Variants in TMC2 observed in about 807,000 individuals in gnomAD.
TMC2 encodes the protein transmembrane channel like 2.
In TMC2, 102 loss-of-function variants were observed where a neutral mutation model predicts 105.9. The ratio of observed to expected loss-of-function variants is 0.96; its 90% CI spans 0.82 to 1.14. TMC2 has a LOEUF of 1.14. TMC2 is among the 50% of genes most tolerant of loss of function. The probability of loss-of-function intolerance (pLI) is 0.00; values close to 1 mark genes in which losing one functional copy is unlikely to be tolerated. For missense variants in TMC2, 1,093 were observed against 1,134.3 expected (o/e 0.96, Z 0.52); for synonymous variants, 402 against 422.8 (o/e 0.95, Z 0.60).
At chr20:2,579,511 T>C (rs1239180699) in intron 6 of TMC2, among the ~76,000 whole-genome samples, 1 of 151,896 alleles carries the variant, frequency 6.6e-6, no homozygotes, top group African/African-American at 2.4e-5. Flanking sequence ...AACCTTCACC[T>C]CCTAGGTTCA....
chr20:2,582,322 A>C (rs2086197811), intron 7 of TMC2, among the ~76,000 whole-genome samples: 4 of 152,208 alleles, frequency 2.6e-5, no homozygotes, highest in African/African-American at 9.7e-5. Context: ...TCAAAGACAC[A>C]GAGAACTTCA....
Position 2,641,353 on chromosome 20 carries a change from G to A in TMC2, c.*2G>A, listed in dbSNP as rs1033550894. ...AGTGCTCAGAGACCTCCCCACTGAT[G>A]GCTAGGACTCCAGGGAGCCTCGACC... On this transcript the variant is annotated 3_prime_UTR_variant, in exon 20 of 20. Transcript: ENST00000358864. The A allele has an allele frequency of 4.4e-6, 7 of 1,603,354 alleles. No homozygotes were observed. Among genetic ancestry groups the A allele is most frequent in the Admixed American group, 1.7e-5 (1 of 59,950 alleles).
chr20:2,623,373 AC>A (rs2086539442), intron 16 of TMC2, among the ~76,000 whole-genome samples: 1 of 152,066 alleles, frequency 6.6e-6, no homozygotes, highest in Admixed American at 6.6e-5. Flanking sequence ...CACCATCTCT[AC>A]TAAAAATACA....
intron 14 of TMC2, among the ~76,000 whole-genome samples, chr20:2,615,398 C>G (rs1024565258): frequency 2.6e-5 from 4 of 152,226 alleles, no homozygotes; most frequent in African/African-American, 9.6e-5. Context: ...CATGCTGGCC[C>G]TTCCTTTGTC....
chr20:2,565,505 A>C (rs1237693330), intron 4 of TMC2, among the ~76,000 whole-genome samples: 1 of 135,238 alleles, frequency 7.4e-6, no homozygotes, highest in Non-Finnish European at 1.7e-5. Flanking sequence ...GGCCTCCCAA[A>C]GTGCTGGGAT....
chr20:2,627,625 C>T (rs760165625), intron 17 of TMC2, among the ~76,000 whole-genome samples: 3 of 152,180 alleles, frequency 2.0e-5, no homozygotes, highest in Non-Finnish European at 2.9e-5. Context: ...GAGCTCACCT[C>T]ACATGCTTCC....
chr20:2,637,536 G>A lies in TMC2; in HGVS notation c.2448G>A (p.Glu816=), dbSNP rs141449402. The A allele has an allele frequency of 1.9e-3, 2,996 of 1,614,022 alleles. 7 individuals carry two copies. Among genetic ancestry groups the A allele is most frequent in the Middle Eastern group, 2.6e-3 (16 of 6,062 alleles). ...VKGKATARDS[E]DTPKSSSKNA... ...GCAAAGCCACAGCCAGAGATTCAGAGGACACACCTAAAAGCAGCTCCAAAA... is the reference window on the plus strand; with the variant it reads ...GCAAAGCCACAGCCAGAGATTCAGAAGACACACCTAAAAGCAGCTCCAAAA... Residue 816 remains glutamate (E), a synonymous_variant, in exon 19 of 20, where the codon GAG becomes GAA. Coordinates refer to ENST00000358864, the MANE Select transcript of TMC2 (RefSeq NM_080751.3).
intron 19 of TMC2, among the ~76,000 whole-genome samples, chr20:2,638,116 C>T (rs1026270466): frequency 2.6e-5 from 4 of 151,670 alleles, no homozygotes; most frequent in Non-Finnish European, 5.9e-5. Context: ...CCGACGCGGG[C>T]GGATCACAAG....
rs1568504278 is a variant in TMC2, at chr20:2,558,165, A to C, written c.83-291A>C. ...CGATTCCTCTTGGCCTCTCTGTGTGACTTTCCTTTCCTTGGGTATAGGGCA... is the reference window on the plus strand; with the variant it reads ...CGATTCCTCTTGGCCTCTCTGTGTGCCTTTCCTTTCCTTGGGTATAGGGCA... On this transcript the variant is annotated intron_variant, in intron 2 of 19. Coordinates refer to ENST00000358864, the MANE Select transcript of TMC2 (RefSeq NM_080751.3). This position sits in a 1 kb window ranked among gnomAD's most constrained non-coding sequence, Gnocchi z 4.6. 4.0e-6 allele frequency: 2 copies of C among 499,002 alleles called. No homozygotes were observed. Among genetic ancestry groups the C allele is most frequent in the African/African-American group, 3.9e-5 (2 of 50,788 alleles). The allele number at this position is 499,002 out of a possible 1,614,324, so 30.9% of individuals were successfully genotyped here.
In TMC2 at chr20:2,592,558, T is replaced by G. The variant is rs1016418490; in HGVS notation, c.933+150T>G. On this transcript the variant is annotated intron_variant, in intron 8 of 19. Transcript: ENST00000358864. This position sits in a 1 kb window ranked among gnomAD's most constrained non-coding sequence, Gnocchi z 4.9. The stretch of plus-strand genomic sequence containing the variant: ...AAGCTAAATGAGCTTGCAAACCATG[T>G]CTCTGCACAGTCTTCCCGGGTCTCC... 1.4e-5 allele frequency: 9 copies of G among 638,250 alleles called. No individual in the cohort carries two copies. The highest frequency in any genetic ancestry group is 2.5e-5 in the Non-Finnish European group (9 of 355,022). The allele number at this position is 638,250 out of a possible 1,614,324, so 39.5% of individuals were successfully genotyped here. A position where few individuals can be genotyped will look rare whatever the true frequency, so the allele number is the denominator to read the frequency against.
Position 2,617,578 on chromosome 20 carries a change from G to A in TMC2, c.2180+267G>A. ...GGAACTGAGAAAATTAATTTCTCAT[G>A]TATTTTTCTCATTTATTTATTAATT... On this transcript the variant is annotated intron_variant, in intron 16 of 19. Coordinates refer to ENST00000358864, the MANE Select transcript of TMC2 (RefSeq NM_080751.3). 1.2e-5 allele frequency: 6 copies of A among 493,198 alleles called. No homozygotes were observed. The South Asian group carries it at 1.6e-4, about 13-fold the overall frequency. The allele number at this position is 493,198 out of a possible 1,614,324, so 30.6% of individuals were successfully genotyped here.
rs546255484 is a variant in TMC2, at chr20:2,612,405, T to C, written c.1743+65T>C. 3,994 of 1,383,168 alleles carry C rather than the reference T, an allele frequency of 2.9e-3. 6 individuals carry two copies. The highest frequency in any genetic ancestry group is 3.5e-3 in the Non-Finnish European group (3,654 of 1,049,222). 85.7% of individuals were successfully genotyped at this position (1,383,168 alleles called of 1,614,324 possible). On this transcript the variant is annotated intron_variant, in intron 13 of 19. Transcript: ENST00000358864. Reference sequence around the variant, plus strand: ...CAGTTCTTTGTTATTCCCTCCTTGATGTTTCCATTTGAGGAATAACCCTGA... The same window carrying C: ...CAGTTCTTTGTTATTCCCTCCTTGACGTTTCCATTTGAGGAATAACCCTGA...
intron 5 of TMC2, among the ~76,000 whole-genome samples, chr20:2,578,249 G>C (rs915496891): frequency 2.1e-4 from 32 of 152,118 alleles, no homozygotes; most frequent in African/African-American, 7.5e-4. Flanking sequence ...GAACCCCGGA[G>C]GTGGAGGTTG....
intron 2 of TMC2, among the ~76,000 whole-genome samples, chr20:2,545,416 T>C (rs184469304): frequency 1.4e-4 from 22 of 152,258 alleles, no homozygotes; most frequent in Admixed American, 7.8e-4. Context: ...GATGATATCA[T>C]AGACAATTCT....
At chr20:2,624,115 T>A (rs1433043671) in intron 16 of TMC2, among the ~76,000 whole-genome samples, 156 bp from the exon 17 acceptor site, 2 of 152,206 alleles carry the variant, frequency 1.3e-5, no homozygotes, top group East Asian at 3.8e-4. Flanking sequence ...TCAGGGGGAA[T>A]TTTTTACTTG....
chr20:2,600,024 T>C (rs990890039), intron 10 of TMC2, among the ~76,000 whole-genome samples: 1 of 152,194 alleles, frequency 6.6e-6, no homozygotes, highest in African/African-American at 2.4e-5. Flanking sequence ...GAGCTGACTC[T>C]GTCTCCTCTC....
chr20:2,582,816 T>C (rs1266720693), intron 7 of TMC2, among the ~76,000 whole-genome samples: 2 of 152,232 alleles, frequency 1.3e-5, no homozygotes, highest in Non-Finnish European at 2.9e-5. Context: ...ATATTCATTT[T>C]CCTTTTGCCA....
In TMC2 at chr20:2,641,241, C is replaced by T; in HGVS notation, c.2611C>T (p.Leu871Phe). 2 of 1,614,186 alleles carry T rather than the reference C, an allele frequency of 1.2e-6. No individual in the cohort carries two copies. The highest frequency in any genetic ancestry group is 1.7e-5 in the Admixed American group (1 of 60,028). Reference sequence around the variant, plus strand: ...GACCACACTGCCTGCCTCTGGACACCTTCCTATATCTCGGCCCCCTGGAAT... The same window carrying T: ...GACCACACTGCCTGCCTCTGGACACTTTCCTATATCTCGGCCCCCTGGAAT... ...SRTTLPASGH[L>F]PISRPPGIGP... The change falls in exon 20 of 20, where the codon CTT (leucine) becomes TTT (phenylalanine). Residue 871 changes from leucine to phenylalanine, a missense_variant. By Grantham distance (22) the Leu-to-Phe change is conservative. Coordinates refer to ENST00000358864, the MANE Select transcript of TMC2 (RefSeq NM_080751.3).
At chr20:2,578,378 T>G (rs1215414411) in intron 5 of TMC2, among the ~76,000 whole-genome samples, 1 of 152,188 alleles carries the variant, frequency 6.6e-6, no homozygotes, top group African/African-American at 2.4e-5. Context: ...CTACTACCTC[T>G]TATGCTTTCT....
Sources: gnomAD v4.1 joint callset for allele counts (sites outside exome capture counted in the v4.1 genomes callset) on GRCh38, gnomAD v4.1.1 for gene constraint, Gnocchi (gnomAD v3.1) non-coding constraint, MANE v1.5 for transcripts, NCBI Gene and HGNC (gene_info 2026-07-23, HGNC 2026-07-21) for gene names.